NT5M: variants seen among roughly 807,000 people sequenced by gnomAD.
NT5M encodes the protein 5'(3')-deoxyribonucleotidase, mitochondrial.
NT5M carries 22 observed loss-of-function variants against 22.2 expected under a neutral mutation model. That is an observed-to-expected ratio of 0.99 (90% CI 0.71 to 1.41). The LOEUF (loss-of-function observed/expected upper bound fraction) is 1.41, where lower values mean the gene tolerates loss of function less well. Ranked by LOEUF, NT5M falls within the 40% of genes most tolerant of loss-of-function variation. The pLI, the probability that NT5M is intolerant of heterozygous loss-of-function variation, is 0.00. For synonymous variants in NT5M, 167 were observed against 133.0 expected (o/e 1.26, Z -1.76); for missense variants, 322 against 314.8 (o/e 1.02, Z -0.17).
intron 2 of NT5M, among the ~76,000 whole-genome samples, chr17:17,319,394 A>G (rs2049104403): frequency 6.6e-6 from 1 of 152,096 alleles, no homozygotes; most frequent in South Asian, 2.1e-4. Flanking sequence ...CCCTGTAAAT[A>G]TACTAACATT....
At chr17:17,323,610 T>C (rs910183276) in intron 3 of NT5M, among the ~76,000 whole-genome samples, 1 of 152,206 alleles carries the variant, frequency 6.6e-6, no homozygotes, top group Non-Finnish European at 1.5e-5. Flanking sequence ...ATTATCTTTA[T>C]TGAAAAGAAT....
At chr17:17,342,240 C>T (rs907964700) in intron 3 of NT5M, among the ~76,000 whole-genome samples, 1 of 152,184 alleles carries the variant, frequency 6.6e-6, no homozygotes, top group African/African-American at 2.4e-5. Context: ...TCTCACAACT[C>T]AATACAAACA....
At chr17:17,310,489 G>A (rs1413971139) in intron 2 of NT5M, among the ~76,000 whole-genome samples, 2 of 152,034 alleles carry the variant, frequency 1.3e-5, no homozygotes, top group South Asian at 2.1e-4. Context: ...CCTCAACAAA[G>A]GATTGAATGA....
intron 1 of NT5M, chr17:17,304,405 G>A (rs562133860): frequency 4.1e-6 from 4 of 985,256 alleles, no homozygotes; most frequent in Non-Finnish European, 4.8e-6. Context: ...CCTACCATCC[G>A]ACTCCCGAGG....
At chr17:17,336,999 T>A (rs973234683) in intron 3 of NT5M, among the ~76,000 whole-genome samples, 6 of 152,278 alleles carry the variant, frequency 3.9e-5, no homozygotes, top group Middle Eastern at 3.4e-3. Context: ...TCCTTTTTTT[T>A]AGGGGTATAT....
At chr17:17,342,308 C>T (rs186266262) in intron 3 of NT5M, among the ~76,000 whole-genome samples, 1 of 152,174 alleles carries the variant, frequency 6.6e-6, no homozygotes, top group Non-Finnish European at 1.5e-5. Context: ...CTCTCTGAGC[C>T]TCCATTTCTT....
intron 2 of NT5M, among the ~76,000 whole-genome samples, chr17:17,312,314 G>T (rs531930078): frequency 6.6e-6 from 1 of 152,298 alleles, no homozygotes; most frequent in South Asian, 2.1e-4. Flanking sequence ...TTGTGACACT[G>T]CATTGGGGTA....
At chr17:17,329,408 A>C (rs754117399) in intron 3 of NT5M, among the ~76,000 whole-genome samples, 8 of 152,192 alleles carry the variant, frequency 5.3e-5, no homozygotes, top group Non-Finnish European at 7.4e-5. Flanking sequence ...CCTCGGCCTC[A>C]CTGCCTCTTC....
intron 3 of NT5M, among the ~76,000 whole-genome samples, chr17:17,325,099 C>T (rs1239151822): frequency 3.3e-5 from 5 of 152,124 alleles, no homozygotes; most frequent in African/African-American, 4.8e-5. Context: ...GTGGGTCTGA[C>T]GAGCCCGCCA....
At chr17:17,316,126 C>T (rs1467751530) in intron 2 of NT5M, among the ~76,000 whole-genome samples, 1 of 149,580 alleles carries the variant, frequency 6.7e-6, no homozygotes, top group Non-Finnish European at 1.5e-5. Flanking sequence ...GCCATCTTGG[C>T]TCCCTACTAC....
chr17:17,307,173 G>A (rs1302669074), intron 2 of NT5M, among the ~76,000 whole-genome samples: 1 of 152,152 alleles, frequency 6.6e-6, no homozygotes, highest in East Asian at 1.9e-4. Context: ...ACTCCAGCCT[G>A]GGCAAGAAGA....
intron 2 of NT5M, 124 bp from the exon 3 acceptor site, chr17:17,323,061 C>T (rs2049183881): frequency 9.8e-6 from 8 of 813,474 alleles, no homozygotes; most frequent in Admixed American, 1.7e-5. Flanking sequence ...GAGTGGGTCT[C>T]CCACAGCAGG....
chr17:17,320,801 GCCAGGAGCGCAGGCTAGGAC>G (rs1053162503), intron 2 of NT5M, among the ~76,000 whole-genome samples: 1 of 152,222 alleles, frequency 6.6e-6, no homozygotes, highest in Non-Finnish European at 1.5e-5. Flanking sequence ...GGATCAGGAG[GCCAGGAGCGCAGGCTAGGAC>G]CCAGGATAGG....
chr17:17,336,696 A>G (rs112716289), intron 3 of NT5M, among the ~76,000 whole-genome samples: 1 of 151,746 alleles, frequency 6.6e-6, no homozygotes, highest in Non-Finnish European at 1.5e-5. Context: ...GACTACAGGC[A>G]TGCACCACCA....
chr17:17,310,557 C>T (rs562925266), intron 2 of NT5M, among the ~76,000 whole-genome samples: 1 of 152,106 alleles, frequency 6.6e-6, no homozygotes, highest in Non-Finnish European at 1.5e-5. Flanking sequence ...ATGCTTGAGG[C>T]CAGGTGTGGT....
intron 3 of NT5M, among the ~76,000 whole-genome samples, chr17:17,333,004 C>G (rs1241738887): frequency 6.6e-6 from 1 of 152,142 alleles, no homozygotes; most frequent in Non-Finnish European, 1.5e-5. Flanking sequence ...TGCTCCCTAT[C>G]CTTGTCAGCA....
chr17:17,343,033 CATT>C (rs2049678668), intron 3 of NT5M, among the ~76,000 whole-genome samples: 3 of 152,204 alleles, frequency 2.0e-5, no homozygotes, highest in Admixed American at 2.0e-4. Flanking sequence ...CTGCTGAAAA[CATT>C]AGCCCCAGGC....
At chr17:17,326,786 G>T (rs1207778078) in intron 3 of NT5M, among the ~76,000 whole-genome samples, 1 of 152,190 alleles carries the variant, frequency 6.6e-6, no homozygotes, top group Non-Finnish European at 1.5e-5. Flanking sequence ...CAGAAGAAGG[G>T]TCACACTCAT....
intron 3 of NT5M, among the ~76,000 whole-genome samples, chr17:17,336,207 T>A (rs1268984281): frequency 6.6e-6 from 1 of 151,506 alleles, no homozygotes; most frequent in East Asian, 2.0e-4. Context: ...TTTCACCGTG[T>A]TAGCCAGGAT....
Sources: allele counts gnomAD v4.1 joint callset (sites outside exome capture counted in the v4.1 genomes callset), GRCh38; gene constraint gnomAD v4.1.1; transcripts MANE v1.5; gene names NCBI Gene and HGNC (gene_info 2026-07-23, HGNC 2026-07-21).